LAMB4: variants seen among roughly 807,000 people sequenced by gnomAD.
LAMB4 encodes laminin subunit beta-4.
In LAMB4, 196 loss-of-function variants were observed where a neutral mutation model predicts 199.2. The ratio of observed to expected loss-of-function variants is 0.98; its 90% CI spans 0.88 to 1.11. The LOEUF is 1.11. LAMB4 is among the 50% of genes least tolerant of loss of function. The pLI, the probability that LAMB4 is intolerant of heterozygous loss-of-function variation, is 0.00. For missense variants in LAMB4, 2,080 were observed against 2,171.2 expected, an observed-to-expected ratio of 0.96 and a Z score of 0.83; for synonymous variants, 744 against 770.6, an observed-to-expected ratio of 0.97 and a Z score of 0.57.
At chr7:108,073,431 G>T (rs1039180192) in intron 17 of LAMB4, among the ~76,000 whole-genome samples, 27 of 152,196 alleles carry the variant, frequency 1.8e-4, no homozygotes, top group Non-Finnish European at 3.2e-4. Context: ...ATTCTAGAAT[G>T]CCTAATATAT....
intron 2 of LAMB4, among the ~76,000 whole-genome samples, chr7:108,121,646 A>C (rs1563112745): frequency 6.6e-6 from 1 of 151,796 alleles, no homozygotes. Context: ...GCTACTCGGG[A>C]GGCTGAGGCA....
At chr7:108,025,556 G>C (rs763775768) in intron 33 of LAMB4, among the ~76,000 whole-genome samples, 4 of 151,816 alleles carry the variant, frequency 2.6e-5, no homozygotes, top group Admixed American at 6.6e-5. Flanking sequence ...AGCCTCCTGA[G>C]TAGCTGGGAT....
chr7:108,082,380 A>T (rs556029437), intron 14 of LAMB4, among the ~76,000 whole-genome samples: 1 of 152,056 alleles, frequency 6.6e-6, no homozygotes, highest in East Asian at 1.9e-4. Context: ...GAAGAGCCTG[A>T]ATTACCAGCT....
At chr7:108,108,656 T>G (rs1026520946) in intron 5 of LAMB4, among the ~76,000 whole-genome samples, 7 of 141,898 alleles carry the variant, frequency 4.9e-5, no homozygotes, top group African/African-American at 1.0e-4. Context: ...AAGACTGGTG[T>G]TTTTTTTTTC....
At position 108,111,957 on chromosome 7, in the gene LAMB4, C is replaced by T. The variant is rs376543023; in HGVS notation, c.193-11G>A. The T allele has an allele frequency of 4.0e-5, 63 of 1,580,954 alleles. No individual in the cohort carries two copies. The African/African-American group carries it at 7.9e-4, about 20-fold the overall frequency. On this transcript the variant is annotated splice_polypyrimidine_tract_variant and intron_variant, in intron 3 of 33. Coordinates refer to ENST00000388781, the MANE Select transcript of LAMB4 (RefSeq NM_007356.3). Reference sequence around the variant, plus strand: ...GCATTTTTGTTCCCCCTGGAAAACACCATTATTAAAATTAAAAATAAAAAT... The same window carrying T: ...GCATTTTTGTTCCCCCTGGAAAACATCATTATTAAAATTAAAAATAAAAAT...
chr7:108,043,781 A>C lies in LAMB4; in HGVS notation c.4442T>G (p.Phe1481Cys), dbSNP rs762309851. Residue 1481 changes from phenylalanine to cysteine, a missense_variant, in exon 29 of 34, where the codon TTC (phenylalanine) becomes TGC (cysteine). Transcript: ENST00000388781. ...CAAAAAGTTTTTCACTTTTTTGATG[A>C]AAAGATTGATGTTTTCTTCTTCAGA... ...SDSEEENINLFIKKVKNFLLE... is the reference protein window; with the variant it reads ...SDSEEENINLCIKKVKNFLLE... The C allele has an allele frequency of 6.3e-7, 1 of 1,593,470 alleles. No individual in the cohort carries two copies. Among genetic ancestry groups the C allele is most frequent in the Admixed American group, 1.7e-5 (1 of 57,892 alleles).
chr7:108,106,588 AG>A lies in LAMB4; in HGVS notation c.592-17del. ...TTAAAACAACCTGTAAAACAAATATAGATACATTTATAGTATATTACCTGAA... is the reference window on the plus strand; with the variant it reads ...TTAAAACAACCTGTAAAACAAATATAATACATTTATAGTATATTACCTGAA... On this transcript the variant is annotated splice_polypyrimidine_tract_variant and intron_variant, in intron 6 of 33. Transcript: ENST00000388781. The A allele has an allele frequency of 2.2e-6, 3 of 1,384,374 alleles. No homozygotes were observed. The highest frequency in any genetic ancestry group is 3.1e-6 in the Non-Finnish European group (3 of 982,730). The allele number at this position is 1,384,374 out of a possible 1,614,324, so 85.8% of individuals were successfully genotyped here.
chr7:108,052,830 T>C (rs531062445), intron 25 of LAMB4, among the ~76,000 whole-genome samples: 13 of 152,198 alleles, frequency 8.5e-5, no homozygotes, highest in Non-Finnish European at 1.5e-4. Flanking sequence ...GGGGTACACC[T>C]TTGTTGTGCT....
At chr7:108,027,191 G>C (rs1563026145) in intron 33 of LAMB4, among the ~76,000 whole-genome samples, 3 of 152,098 alleles carry the variant, frequency 2.0e-5, no homozygotes, top group African/African-American at 4.8e-5. Flanking sequence ...TCAGAGGATG[G>C]GAGGGTGAGC....
At chr7:108,087,600 C>T (rs926412709) in intron 14 of LAMB4, among the ~76,000 whole-genome samples, 10 of 152,184 alleles carry the variant, frequency 6.6e-5, no homozygotes, top group Non-Finnish European at 1.0e-4. Flanking sequence ...GAGGAAGTGG[C>T]ATCTCTCTGC....
Position 108,066,386 on chromosome 7 carries a change from A to C in LAMB4, c.2661T>G (p.Thr887=), listed in dbSNP as rs1207391158. Residue 887 remains threonine, a synonymous_variant, in exon 20 of 34, where the codon ACT becomes ACG. Transcript: ENST00000388781. ...GSCFNCGGFT[T]GRNCERCIDG... is the part of the protein sequence containing the mutation. Reference sequence around the variant, plus strand: ...TTCCATACCTTTCACAGTTTCTGCCAGTTGTAAAGCCTCCACAATTGAAGC... The same window carrying C: ...TTCCATACCTTTCACAGTTTCTGCCCGTTGTAAAGCCTCCACAATTGAAGC... The C allele has an allele frequency of 1.9e-6, 3 of 1,613,832 alleles. No homozygotes were observed. Among genetic ancestry groups the C allele is most frequent in the Middle Eastern group, 1.6e-4 (1 of 6,062 alleles).
chr7:108,114,150 C>T (rs572040093), intron 3 of LAMB4, among the ~76,000 whole-genome samples: 14 of 152,242 alleles, frequency 9.2e-5, no homozygotes, highest in Middle Eastern at 3.4e-3. Flanking sequence ...TGGAAAGTGG[C>T]GGTGGCTCAT....
intron 25 of LAMB4, among the ~76,000 whole-genome samples, chr7:108,055,424 T>C (rs1196612155): frequency 6.6e-6 from 1 of 152,188 alleles, no homozygotes; most frequent in African/African-American, 2.4e-5. Flanking sequence ...TGACCTCAAG[T>C]GATCCACCCG....
intron 23 of LAMB4, among the ~76,000 whole-genome samples, chr7:108,061,643 G>A (rs989099840): frequency 3.0e-4 from 45 of 151,122 alleles, no homozygotes; most frequent in African/African-American, 1.0e-3. Flanking sequence ...GGAGGCTGAC[G>A]CAGGAGAATC....
intron 11 of LAMB4, among the ~76,000 whole-genome samples, chr7:108,097,470 A>T (rs2150630134): frequency 1.3e-5 from 2 of 152,296 alleles, no homozygotes; most frequent in South Asian, 4.1e-4. Context: ...GGGTGTGAGA[A>T]GAAAGGGGAA....
At position 108,066,502 on chromosome 7, in the gene LAMB4, G is replaced by A. The variant is rs770761096; in HGVS notation, c.2545C>T (p.Arg849Cys). ...AATCCAAAGTAGCCTGCCAGGCAGC[G>A]ATCACAGCGGCGGCCAGACACCTCT... Reference protein sequence around the residue: ...HGEVSGRRCDRCLAGYFGFPS... With the variant: ...HGEVSGRRCDCCLAGYFGFPS... The change falls in exon 20 of 34, where the codon CGC becomes TGC. Residue 849 changes from arginine to cysteine, a missense_variant. Arg to Cys is a radical substitution (Grantham distance 180). Coordinates refer to ENST00000388781, the MANE Select transcript of LAMB4 (RefSeq NM_007356.3). 12 of 1,613,968 alleles carry A rather than the reference G, an allele frequency of 7.4e-6. No homozygotes were observed. The highest frequency in any genetic ancestry group is 6.7e-5 in the East Asian group (3 of 44,874).
At position 108,103,053 on chromosome 7, in the gene LAMB4, C is replaced by T. The variant is rs766101672; in HGVS notation, c.1171G>A (p.Ala391Thr). 6.9e-6 allele frequency: 11 copies of T among 1,590,068 alleles called. No individual in the cohort carries two copies. Among genetic ancestry groups the T allele is most frequent in the South Asian group, 1.1e-5 (1 of 89,180 alleles). ...DPLKTISDPY[A>T]CIPCECDPDG... ...AGACCCGGGGACTCACGAATGCACG[C>T]GTAGGGATCTGAGATGGTCTTGAGC... The change falls in exon 10 of 34, where the codon GCG (alanine) becomes ACG (threonine). Residue 391 changes from alanine to threonine, a missense_variant. Physicochemically the swap from Ala to Thr is moderately conservative, Grantham distance 58. Transcript: ENST00000388781.
rs1229054389 is a variant in LAMB4 at position 108,063,889 on chromosome 7, A to G, written c.2933T>C (p.Val978Ala). The G allele has an allele frequency of 6.2e-7, 1 of 1,614,194 alleles. No individual in the cohort carries two copies. ...CCGGCTGCAGGACTCTGGATCGGTT[A>G]CATCTATGTTGTTGTTGCAGGCACA... ...QPCACNNNIDVTDPESCSRVT... is the reference protein window; with the variant it reads ...QPCACNNNIDATDPESCSRVT... Residue 978 changes from valine (V) to alanine (A), a missense_variant, in exon 22 of 34, where the codon GTA (valine) becomes GCA (alanine). Transcript: ENST00000388781.
chr7:108,105,246 C>T (rs2037960141), intron 8 of LAMB4, among the ~76,000 whole-genome samples: 1 of 152,152 alleles, frequency 6.6e-6, no homozygotes, highest in South Asian at 2.1e-4. Context: ...GGCTAGTCCC[C>T]CAAGATGAGA....
Sources: allele counts gnomAD v4.1 joint callset (sites outside exome capture counted in the v4.1 genomes callset), GRCh38; gene constraint gnomAD v4.1.1; transcripts MANE v1.5; gene names NCBI Gene and HGNC (gene_info 2026-07-23, HGNC 2026-07-21).